REV3L: variants seen among roughly 807,000 people sequenced by gnomAD.
REV3L encodes the protein DNA polymerase zeta catalytic subunit.
A neutral mutation model predicts 299.4 loss-of-function variants in REV3L; 69 were observed. The ratio of observed to expected loss-of-function variants is 0.23; its 90% CI spans 0.19 to 0.28. REV3L has a LOEUF of 0.28. Ranked by LOEUF, REV3L falls within the 10% of genes least tolerant of loss-of-function variation. The pLI, the probability that REV3L is intolerant of heterozygous loss-of-function variation, is 1.00. For synonymous variants in REV3L, 1,238 were observed against 1,271.4 expected (o/e 0.97, Z 0.56); for missense variants, 3,128 against 3,693.8 (o/e 0.85, Z 3.97).
At chr6:111,327,639 G>A (rs948844922) in intron 25 of REV3L, among the ~76,000 whole-genome samples, 1 of 150,194 alleles carries the variant, frequency 6.7e-6, no homozygotes, top group African/African-American at 2.5e-5. Context: ...ATATAGATCA[G>A]TGGTTTTCAA....
At chr6:111,482,043 A>G (rs1793753957) in intron 1 of REV3L, among the ~76,000 whole-genome samples, 1 of 152,158 alleles carries the variant, frequency 6.6e-6, no homozygotes, top group Non-Finnish European at 1.5e-5. Context: ...GGCAACATAA[A>G]CACGCATTTC....
At chr6:111,347,472 T>A (rs1487102994) in intron 20 of REV3L, among the ~76,000 whole-genome samples, 10 of 151,986 alleles carry the variant, frequency 6.6e-5, no homozygotes, top group Admixed American at 6.5e-4. Flanking sequence ...GTATACTGCA[T>A]ACAGCAGCTT....
chr6:111,439,571 T>C (rs932984769), intron 1 of REV3L, among the ~76,000 whole-genome samples: 1 of 152,212 alleles, frequency 6.6e-6, no homozygotes, highest in South Asian at 2.1e-4. Context: ...GGGTGCCTCA[T>C]GAGCTGCATG....
At chr6:111,338,398 A>G (rs1350146850) in intron 21 of REV3L, among the ~76,000 whole-genome samples, 2 of 144,302 alleles carry the variant, frequency 1.4e-5, no homozygotes, top group African/African-American at 2.6e-5. Context: ...TCATGGTACA[A>G]TTAAGAAACA....
At chr6:111,457,272 C>T (rs985408509) in intron 1 of REV3L, among the ~76,000 whole-genome samples, 2 of 151,860 alleles carry the variant, frequency 1.3e-5, no homozygotes, top group Admixed American at 6.6e-5. Flanking sequence ...AGTATAATAA[C>T]GAGCATAATT....
intron 21 of REV3L, 82 bp downstream of exon 21, chr6:111,343,843 T>G: frequency 9.6e-7 from 1 of 1,037,966 alleles, no homozygotes; most frequent in Non-Finnish European, 1.4e-6. Flanking sequence ...ACAATACACT[T>G]TAAATGTGTG....
At chr6:111,461,654 G>C (rs565548264) in intron 1 of REV3L, among the ~76,000 whole-genome samples, 6 of 151,668 alleles carry the variant, frequency 4.0e-5, no homozygotes, top group Admixed American at 1.3e-4. Context: ...AGGAGAAATG[G>C]GAGTATAGAA....
At chr6:111,454,887 A>C (rs1789989645) in intron 1 of REV3L, among the ~76,000 whole-genome samples, 1 of 152,046 alleles carries the variant, frequency 6.6e-6, no homozygotes, top group Non-Finnish European at 1.5e-5. Flanking sequence ...ACTGGTCTCA[A>C]ACTCCCAACC....
intron 1 of REV3L, among the ~76,000 whole-genome samples, chr6:111,449,170 A>T (rs943823457): frequency 4.6e-5 from 7 of 152,230 alleles, no homozygotes; most frequent in African/African-American, 1.7e-4. Context: ...AAAGCATGTA[A>T]ATCAATGGTC....
chr6:111,355,751 C>T (rs1404036504), intron 18 of REV3L, among the ~76,000 whole-genome samples: 3 of 152,056 alleles, frequency 2.0e-5, no homozygotes, highest in Admixed American at 6.5e-5. Context: ...GACTGAAACT[C>T]TTACATATTT....
At chr6:111,453,925 G>A (rs1789857258) in intron 1 of REV3L, among the ~76,000 whole-genome samples, 1 of 152,182 alleles carries the variant, frequency 6.6e-6, no homozygotes, top group South Asian at 2.1e-4. Context: ...AGCAGAGGTT[G>A]CAGTGTGCTA....
intron 25 of REV3L, among the ~76,000 whole-genome samples, chr6:111,322,994 C>CT (rs780823778): frequency 0.04 from 4,718 of 117,652 alleles, 196 homozygotes; most frequent in African/African-American, 0.11. Context: ...TATTCAAGAA[C>CT]TTTTTTTTTT....
At chr6:111,356,747 G>C (rs532239988) in intron 18 of REV3L, 1 of 195,304 alleles carries the variant, frequency 5.1e-6, no homozygotes, top group East Asian at 1.2e-4. Flanking sequence ...CAACTGGGAA[G>C]TTAGTTAGAG....
intron 13 of REV3L, among the ~76,000 whole-genome samples, chr6:111,370,062 A>G (rs988623107): frequency 6.6e-6 from 1 of 152,094 alleles, no homozygotes; most frequent in Admixed American, 6.5e-5. Flanking sequence ...CGATCTCCTG[A>G]CCTTGTGATC....
chr6:111,372,721 C>T lies in REV3L; in HGVS notation c.5634G>A (p.Leu1878=). The change falls in exon 13 of 32, where the codon CTG becomes CTA. Residue 1878 remains leucine, a synonymous_variant. Transcript: ENST00000368802. The part of the protein sequence containing the change: ...GSFTPRTANI[L]KPLMSPPSRE... ...TACTTGGGGGGGACATAAGTGGTTT[C>T]AGAATGTTAGCAGTTCGAGGGGTGA... 6.2e-7 allele frequency: 1 copy of T among 1,610,536 alleles called. No individual in the cohort carries two copies. The highest frequency in any genetic ancestry group is 8.5e-7 in the Non-Finnish European group (1 of 1,178,520).
In REV3L at chr6:111,329,636, G is replaced by C; in HGVS notation, c.8137C>G (p.Leu2713Val). Residue 2713 changes from leucine (L) to valine (V), a missense_variant, in exon 25 of 32, where the codon CTG becomes GTG. Physicochemically the swap from Leu to Val is conservative, Grantham distance 32. This residue lies in a region of REV3L where 53 missense variants were observed against 57.4 expected (regional missense o/e 0.92). Transcript: ENST00000368802. Reference protein sequence around the residue: ...SMKAYKQDRALSRMLDARQLG... With the variant: ...SMKAYKQDRAVSRMLDARQLG... ...TGACGCGCATCAAGCATTCGTGACAGGGCTCTGTCTTGCTTGTAAGCCTTC... is the reference window on the plus strand; with the variant it reads ...TGACGCGCATCAAGCATTCGTGACACGGCTCTGTCTTGCTTGTAAGCCTTC... The C allele has an allele frequency of 6.2e-7, 1 of 1,614,024 alleles. No homozygotes were observed. The highest frequency in any genetic ancestry group is 8.5e-7 in the Non-Finnish European group (1 of 1,180,006).
chr6:111,420,361 T>G (rs1242980830), intron 1 of REV3L, among the ~76,000 whole-genome samples: 1 of 152,216 alleles, frequency 6.6e-6, no homozygotes, highest in African/African-American at 2.4e-5. Flanking sequence ...CTTATTATTT[T>G]GTGGTAAGAG....
At chr6:111,379,269 T>G (rs1780594919) in intron 11 of REV3L, among the ~76,000 whole-genome samples, 1 of 152,218 alleles carries the variant, frequency 6.6e-6, no homozygotes, top group East Asian at 1.9e-4. Flanking sequence ...AACACTGAAT[T>G]TATGGATTAA....
At chr6:111,380,959 C>T (rs1440699373) in intron 10 of REV3L, among the ~76,000 whole-genome samples, 1 of 152,180 alleles carries the variant, frequency 6.6e-6, no homozygotes, top group East Asian at 1.9e-4. Context: ...CCTAGCCACC[C>T]GTGTTTCCTC....
Sources: allele counts gnomAD v4.1 joint callset (sites outside exome capture counted in the v4.1 genomes callset), GRCh38; gene constraint gnomAD v4.1.1; regional missense constraint gnomAD v4.1.1; transcripts MANE v1.5; gene names NCBI Gene and HGNC (gene_info 2026-07-23, HGNC 2026-07-21).